SKOR2: variants seen among roughly 807,000 people sequenced by gnomAD.
The protein encoded by SKOR2 is LBX1 corepressor 1-like protein.
A neutral mutation model predicts 69.1 loss-of-function variants in SKOR2; 47 were observed. The observed-to-expected ratio is 0.68, with a 90% CI of 0.54 to 0.87. The LOEUF (loss-of-function observed/expected upper bound fraction) is 0.87, where lower values mean the gene tolerates loss of function less well. Among genes scored for constraint, SKOR2 ranks in the 40% least tolerant of loss-of-function variants. The pLI, the probability that SKOR2 is intolerant of heterozygous loss-of-function variation, is 0.00. For missense variants in SKOR2, 1,404 were observed against 1,472.2 expected (o/e 0.95, Z 0.76); for synonymous variants, 717 against 672.6 (o/e 1.07, Z -1.02).
chr18:47,246,681 G>A lies in SKOR2; in HGVS notation c.2503C>T (p.Pro835Ser). 6.7e-7 allele frequency: 1 copy of A among 1,489,272 alleles called. No homozygotes were observed. The highest frequency in any genetic ancestry group is 8.8e-7 in the Non-Finnish European group (1 of 1,130,644). The allele number at this position is 1,489,272 out of a possible 1,614,324, so 92.3% of individuals were successfully genotyped here. A position where few individuals can be genotyped will look rare whatever the true frequency, so the allele number is the denominator to read the frequency against. Residue 835 changes from proline to serine, a missense_variant, in exon 2 of 9, where the codon CCG (proline) becomes TCG (serine). This residue lies in a region of SKOR2 where 1,266 missense variants were observed against 1,309.9 expected (regional missense o/e 0.97). Transcript: ENST00000425639. Reference sequence around the variant, plus strand: ...GGGGCCAGGGGCGGCGGCGGGGGCGGGGGCAGGTCCGAGCCGGGGTCCCCG... The same window carrying A: ...GGGGCCAGGGGCGGCGGCGGGGGCGAGGGCAGGTCCGAGCCGGGGTCCCCG... ...KLGDPGSDLP[P>S]PPPPPLAPQK...
intron 7 of SKOR2, among the ~76,000 whole-genome samples, chr18:47,218,393 C>A (rs1049496039): frequency 6.6e-6 from 1 of 151,632 alleles, no homozygotes; most frequent in Non-Finnish European, 1.5e-5. Flanking sequence ...AGTTTAAGAC[C>A]ACCCTGGGCA....
intron 4 of SKOR2, among the ~76,000 whole-genome samples, chr18:47,244,442 A>T (rs1425294085): frequency 6.6e-6 from 1 of 152,236 alleles, no homozygotes; most frequent in African/African-American, 2.4e-5. Flanking sequence ...GACATTTAGC[A>T]ATCAGTAAAA....
At chr18:47,224,230 T>C (rs956956129) in intron 6 of SKOR2, among the ~76,000 whole-genome samples, 2 of 152,100 alleles carry the variant, frequency 1.3e-5, no homozygotes, top group Admixed American at 6.5e-5. Context: ...GTTCTAAAGG[T>C]TGATGAAGAC....
Position 47,245,478 on chromosome 18 carries a change from A to ATTTTTTTTTTTTTTTTTT in SKOR2, c.2677+19_2677+20insAAAAAAAAAAAAAAAAAA, listed in dbSNP as rs10670977. 9.5e-4 allele frequency: 1,135 copies of ATTTTTTTTTTTTTTTTTT among 1,197,540 alleles called. 56 individuals are homozygous for ATTTTTTTTTTTTTTTTTT. Among genetic ancestry groups the ATTTTTTTTTTTTTTTTTT allele is most frequent in the African/African-American group, 8.5e-3 (375 of 43,902 alleles). The allele number at this position is 1,197,540 out of a possible 1,614,324, so 74.2% of individuals were successfully genotyped here. On this transcript the variant is annotated intron_variant, in intron 3 of 8. Transcript: ENST00000425639. ...ATGCAGGCAAGAAAAGTGGCAGCTGATTTTTTTTTTTTTTTTTACCTGAAA... is the reference window on the plus strand; with the variant it reads ...ATGCAGGCAAGAAAAGTGGCAGCTGATTTTTTTTTTTTTTTTTTTTTTTTTTTTTTTTTTTACCTGAAA...
intron 2 of SKOR2, 128 bp from the exon 3 acceptor site, chr18:47,245,689 C>T (rs926701090): frequency 7.9e-6 from 6 of 755,338 alleles, no homozygotes; most frequent in African/African-American, 7.3e-5. Flanking sequence ...CATTTTTTGA[C>T]GATTATTCTT....
rs775681056 is a variant in SKOR2, at chr18:47,244,436, T to C, written c.2752+472A>G. Among the ~76,000 whole-genome samples the C allele has an allele frequency of 4.1e-4, 62 of 152,348 alleles. 1 individual carries two copies. The highest frequency in any genetic ancestry group is 2.0e-3 in the Admixed American group (31 of 15,292). On this transcript the variant is annotated intron_variant, in intron 4 of 8. Coordinates refer to ENST00000425639, the MANE Select transcript of SKOR2 (RefSeq NM_001278063.4). ...GTCTTTCCCAAACCCCTTGGAGACA[T>C]TTAGCAATCAGTAAAAGGTGGTTTC...
chr18:47,212,037 C>T, intron 8 of SKOR2, 49 bp downstream of exon 8: 1 of 1,227,892 alleles, frequency 8.1e-7, no homozygotes, highest in Non-Finnish European at 1.0e-6. Flanking sequence ...TGTTCAAGCA[C>T]ACAACAATAC....
At chr18:47,215,165 G>A (rs2064140045) in intron 7 of SKOR2, among the ~76,000 whole-genome samples, 1 of 152,100 alleles carries the variant, frequency 6.6e-6, no homozygotes, top group Admixed American at 6.6e-5. Context: ...ATTGGAAATG[G>A]ACACACAGTA....
chr18:47,238,446 C>T (rs2144505257), intron 4 of SKOR2, among the ~76,000 whole-genome samples: 1 of 151,480 alleles, frequency 6.6e-6, no homozygotes, highest in East Asian at 2.0e-4. Context: ...CCTCAGCCTC[C>T]CGAGTAGCTG....
Position 47,230,559 on chromosome 18 carries a change from TA to T in SKOR2, c.2819-3del. Reference sequence around the variant, plus strand: ...CAAATAAAACCTTCTGAAGTTCTTCTAATAAAAAAAAGAAGAGTCATTTTAC... The same window carrying T: ...CAAATAAAACCTTCTGAAGTTCTTCTATAAAAAAAAGAAGAGTCATTTTAC... On this transcript the variant is annotated splice_region_variant and splice_polypyrimidine_tract_variant and intron_variant, in intron 5 of 8. Transcript: ENST00000425639. The T allele has an allele frequency of 7.1e-7, 1 of 1,407,626 alleles. No homozygotes were observed. The highest frequency in any genetic ancestry group is 9.2e-7 in the Non-Finnish European group (1 of 1,086,910). The allele number at this position is 1,407,626 out of a possible 1,614,324, so 87.2% of individuals were successfully genotyped here. A position where few individuals can be genotyped will look rare whatever the true frequency, so the allele number is the denominator to read the frequency against.
chr18:47,217,978 A>T (rs575876079), intron 7 of SKOR2, among the ~76,000 whole-genome samples: 8 of 152,316 alleles, frequency 5.3e-5, no homozygotes, highest in Non-Finnish European at 1.0e-4. Context: ...AATATTTTAT[A>T]AGACAGCATA....
In SKOR2 at chr18:47,247,048, G is replaced by A; in HGVS notation, c.2136C>T (p.His712=). ...PPPPPLAQHP[H]HRGLLSPGGT... is the part of the protein sequence containing the mutation. ...CCCCGGGAGACAGAAGGCCTCGGTG[G>A]TGCGGGTGCTGGGCCAGAGGGGGCG... The change falls in exon 2 of 9, where the codon CAC becomes CAT. Residue 712 remains histidine (H), a synonymous_variant. Transcript: ENST00000425639. The surrounding 1 kb of genome is among the most constrained non-coding windows in gnomAD (Gnocchi z 6.6). 4 of 1,479,172 alleles carry A rather than the reference G, an allele frequency of 2.7e-6. No homozygotes were observed. Among genetic ancestry groups the A allele is most frequent in the Non-Finnish European group, 3.6e-6 (4 of 1,120,248 alleles). The allele number at this position is 1,479,172 out of a possible 1,614,324, so 91.6% of individuals were successfully genotyped here. A position where few individuals can be genotyped will look rare whatever the true frequency, so the allele number is the denominator to read the frequency against.
At chr18:47,231,536 T>C (rs1182977961) in intron 4 of SKOR2, among the ~76,000 whole-genome samples, 1 of 152,068 alleles carries the variant, frequency 6.6e-6, no homozygotes, top group Non-Finnish European at 1.5e-5. Context: ...ATTGATAGTT[T>C]GTTTTTTTTT....
At position 47,218,591 on chromosome 18, in the gene SKOR2, A is replaced by G. The variant is rs2064151432; in HGVS notation, c.2985+1352T>C. On this transcript the variant is annotated intron_variant, in intron 7 of 8. Coordinates refer to ENST00000425639, the MANE Select transcript of SKOR2 (RefSeq NM_001278063.4). ...TGCAGCAGAGTGAGACCCTGTCTCA[A>G]AAAAAAAAAAAAAAAAAAATCTGAA... is the stretch of plus-strand genomic sequence containing the variant. 2.8e-5 allele frequency among the ~76,000 whole-genome samples: 4 copies of G among 142,130 alleles called. No individual in the cohort carries two copies. The South Asian group carries it at 8.8e-4, about 31-fold the overall frequency. The allele number at this position is 142,130 out of a possible 152,430, so 93.2% of individuals were successfully genotyped here. A position where few individuals can be genotyped will look rare whatever the true frequency, so the allele number is the denominator to read the frequency against.
At chr18:47,245,091 G>A (rs1213054549) in intron 3 of SKOR2, 109 bp from the exon 4 acceptor site, 3 of 831,970 alleles carry the variant, frequency 3.6e-6, no homozygotes, top group Non-Finnish European at 3.7e-6. Flanking sequence ...TTATATCTAA[G>A]TTTGAGAGCT....
At chr18:47,220,052 A>G (rs1453220573) in intron 6 of SKOR2, 42 bp from the exon 7 acceptor site, 1 of 1,487,826 alleles carries the variant, frequency 6.7e-7, no homozygotes, top group African/African-American at 1.4e-5. Flanking sequence ...CTAAAGTGTA[A>G]AATCTACTTT....
At chr18:47,225,801 G>C (rs2064176699) in intron 6 of SKOR2, among the ~76,000 whole-genome samples, 1 of 152,158 alleles carries the variant, frequency 6.6e-6, no homozygotes, top group Non-Finnish European at 1.5e-5. Context: ...GGAGAGGGGT[G>C]AGAGTGGTCT....
At chr18:47,209,200 T>C (rs748178629) in intron 8 of SKOR2, among the ~76,000 whole-genome samples, 1 of 152,168 alleles carries the variant, frequency 6.6e-6, no homozygotes, top group African/African-American at 2.4e-5. Flanking sequence ...TCGCTCAGCT[T>C]ATTAAGTGGA....
chr18:47,208,051 T>C (rs1037380955), intron 8 of SKOR2, among the ~76,000 whole-genome samples: 2 of 152,116 alleles, frequency 1.3e-5, no homozygotes, highest in African/African-American at 2.4e-5. Flanking sequence ...TTAGAGCTAG[T>C]AGAGATTTTG....
Sources: gnomAD v4.1 joint callset for allele counts (sites outside exome capture counted in the v4.1 genomes callset) on GRCh38, gnomAD v4.1.1 for gene constraint, gnomAD v4.1.1 regional missense constraint, Gnocchi (gnomAD v3.1) non-coding constraint, MANE v1.5 for transcripts, NCBI Gene and HGNC (gene_info 2026-07-23, HGNC 2026-07-21) for gene names.